The following RNF144B variants were observed in gnomAD, a reference collection of about 807,000 sequenced individuals.
RNF144B encodes the protein ring finger protein 144B.
Under a neutral mutation model 40.2 loss-of-function variants are expected in RNF144B, and 25 were observed. The observed-to-expected ratio is 0.62, with a 90% CI of 0.45 to 0.87. RNF144B has a LOEUF of 0.87. Ranked by LOEUF, RNF144B falls within the 40% of genes least tolerant of loss-of-function variation. The probability of loss-of-function intolerance (pLI) is 0.00; values close to 1 mark genes in which losing one functional copy is unlikely to be tolerated. For missense variants in RNF144B, 365 were observed against 373.7 expected (o/e 0.98, Z 0.19); for synonymous variants, 145 against 136.3 (o/e 1.06, Z -0.44).
chr6:18,403,458 A>G (rs1302776529), intron 2 of RNF144B, among the ~76,000 whole-genome samples: 3 of 152,252 alleles, frequency 2.0e-5, no homozygotes, highest in Non-Finnish European at 2.9e-5. Flanking sequence ...AGCAAAAAGA[A>G]AATAAAGTCC....
In RNF144B at chr6:18,422,806, T is replaced by C. The variant is rs1758460426; in HGVS notation, c.166-4775T>C. ...CATAGACCCAATTTCAATCAATCAATCAATAGTCGAGTGTAGTGGCAGGCA... is the reference window on the plus strand; with the variant it reads ...CATAGACCCAATTTCAATCAATCAACCAATAGTCGAGTGTAGTGGCAGGCA... On this transcript the variant is annotated intron_variant, in intron 2 of 7. Transcript: ENST00000259939. The surrounding 1 kb of genome is among the most constrained non-coding windows in gnomAD (Gnocchi z 4.7). Among the ~76,000 whole-genome samples the C allele has an allele frequency of 6.6e-6, 1 of 151,854 alleles. No homozygotes were observed. Among genetic ancestry groups the C allele is most frequent in the Non-Finnish European group, 1.5e-5 (1 of 67,966 alleles).
rs568481870 is a variant in RNF144B, at chr6:18,398,162, C to T, written c.-36-1337C>T. 6.6e-6 allele frequency among the ~76,000 whole-genome samples: 1 copy of T among 152,060 alleles called. No individual in the cohort carries two copies. Among genetic ancestry groups the T allele is most frequent in the Non-Finnish European group, 1.5e-5 (1 of 68,006 alleles). ...CTCTTCATTTCCCCCTCCCACCAGC[C>T]CCTGGTAACCTCTATTCTTCTTTTT... On this transcript the variant is annotated intron_variant, in intron 1 of 7. Coordinates refer to ENST00000259939, the MANE Select transcript of RNF144B (RefSeq NM_182757.4). This position sits in a 1 kb window ranked among gnomAD's most constrained non-coding sequence, Gnocchi z 5.0.
intron 3 of RNF144B, among the ~76,000 whole-genome samples, chr6:18,432,881 C>T (rs1272636737): frequency 6.6e-6 from 1 of 152,122 alleles, no homozygotes; most frequent in African/African-American, 2.4e-5. Flanking sequence ...CAGTGTGCAC[C>T]AGAGAAAGGG....
At position 18,465,307 on chromosome 6, in the gene RNF144B, C is replaced by G. The variant is rs1759552575; in HGVS notation, c.*240C>G. On this transcript the variant is annotated 3_prime_UTR_variant, in exon 8 of 8. Transcript: ENST00000259939. ...CTGTTTCTATGGAGCTTTGGGGTTC[C>G]TTGAGATGAATGAACATATCATTTT... is the stretch of plus-strand genomic sequence containing the variant. 3 of 527,234 alleles carry G rather than the reference C, an allele frequency of 5.7e-6. No homozygotes were observed. In the East Asian group the frequency reaches 9.1e-5, roughly 16 times the overall value. The allele number at this position is 527,234 out of a possible 1,614,324, so 32.7% of individuals were successfully genotyped here.
Position 18,416,539 on chromosome 6 carries a change from A to G in RNF144B, c.166-11042A>G, listed in dbSNP as rs9396862. ...CTCTTGGTTGGTGGGAACTGGAGGTACTTTTGATTGGAGTCCAGATTTAAT... is the reference window on the plus strand; with the variant it reads ...CTCTTGGTTGGTGGGAACTGGAGGTGCTTTTGATTGGAGTCCAGATTTAAT... On this transcript the variant is annotated intron_variant, in intron 2 of 7. Coordinates refer to ENST00000259939, the MANE Select transcript of RNF144B (RefSeq NM_182757.4). This position sits in a 1 kb window ranked among gnomAD's most constrained non-coding sequence, Gnocchi z 5.5. 0.031 allele frequency among the ~76,000 whole-genome samples: 4,645 copies of G among 152,276 alleles called. 149 individuals are homozygous for G. Among genetic ancestry groups the G allele is most frequent in the South Asian group, 0.16 (785 of 4,826 alleles).
intron 4 of RNF144B, among the ~76,000 whole-genome samples, chr6:18,454,381 C>T (rs1759281879): frequency 6.6e-6 from 1 of 152,310 alleles, no homozygotes; most frequent in South Asian, 2.1e-4. Flanking sequence ...GTTGAATAGA[C>T]GCTCTACAGA....
At position 18,467,975 on chromosome 6, in the gene RNF144B, GGCT is replaced by G. The variant is rs1352654620; in HGVS notation, c.*2912_*2914del. 6.6e-6 allele frequency: 1 copy of G among 152,152 alleles called. No individual in the cohort carries two copies. The highest frequency in any genetic ancestry group is 1.5e-5 in the Non-Finnish European group (1 of 68,034). The allele number at this position is 152,152 out of a possible 1,614,324, so 9.4% of individuals were successfully genotyped here. A position where few individuals can be genotyped will look rare whatever the true frequency, so the allele number is the denominator to read the frequency against. On this transcript the variant is annotated 3_prime_UTR_variant, in exon 8 of 8. Transcript: ENST00000259939. ...TTTAACTGACAACTTTGATAACAGA[GGCT>G]GCTATTTTTGTTTTAGATAATTGGC...
At position 18,416,502 on chromosome 6, in the gene RNF144B, C is replaced by T. The variant is rs1288709702; in HGVS notation, c.166-11079C>T. 1.3e-5 allele frequency among the ~76,000 whole-genome samples: 2 copies of T among 152,094 alleles called. No homozygotes were observed. Among genetic ancestry groups the T allele is most frequent in the African/African-American group, 2.4e-5 (1 of 41,398 alleles). ...CATGATCATTTGAGATAAAGATAGA[C>T]GTGTTTGATCACTCTTGGTTGGTGG... is the stretch of plus-strand genomic sequence containing the variant. On this transcript the variant is annotated intron_variant, in intron 2 of 7. Coordinates refer to ENST00000259939, the MANE Select transcript of RNF144B (RefSeq NM_182757.4). The surrounding 1 kb of genome is among the most constrained non-coding windows in gnomAD (Gnocchi z 5.5).
chr6:18,387,521 G>T lies in RNF144B; in HGVS notation c.-146G>T. On this transcript the variant is annotated 5_prime_UTR_variant, in exon 1 of 8. Transcript: ENST00000259939. ...CAGCCGCAGAGCACGGAGGAAAGACGGAGAGAATGGAAGAGCTCCTGTCCG... is the reference window on the plus strand; with the variant it reads ...CAGCCGCAGAGCACGGAGGAAAGACTGAGAGAATGGAAGAGCTCCTGTCCG... 2.3e-6 allele frequency: 3 copies of T among 1,313,334 alleles called. No homozygotes were observed. The highest frequency in any genetic ancestry group is 3.0e-6 in the Non-Finnish European group (3 of 1,003,036). The allele number at this position is 1,313,334 out of a possible 1,614,324, so 81.4% of individuals were successfully genotyped here.
intron 1 of RNF144B, among the ~76,000 whole-genome samples, chr6:18,393,832 A>G (rs1794636275): frequency 1.3e-5 from 2 of 152,064 alleles, no homozygotes; most frequent in African/African-American, 2.4e-5. Context: ...CCTCCCTCCC[A>G]TATTTATGCA....
In RNF144B at chr6:18,466,325, T is replaced by C. The variant is rs1759569881; in HGVS notation, c.*1258T>C. The C allele has an allele frequency of 6.6e-6, 1 of 152,256 alleles. No homozygotes were observed. Among genetic ancestry groups the C allele is most frequent in the African/African-American group, 2.4e-5 (1 of 41,464 alleles). The allele number at this position is 152,256 out of a possible 1,614,324, so 9.4% of individuals were successfully genotyped here. ...TGTTTTCGAACACAGAATAGCTCTT[T>C]TCTCAGCATCATTATTGCTCTTTCA... is the stretch of plus-strand genomic sequence containing the variant. On this transcript the variant is annotated 3_prime_UTR_variant, in exon 8 of 8. Transcript: ENST00000259939.
chr6:18,451,017 TA>T (rs1252786350), intron 4 of RNF144B, among the ~76,000 whole-genome samples: 1 of 152,200 alleles, frequency 6.6e-6, no homozygotes, highest in Non-Finnish European at 1.5e-5. Context: ...GATATTTGGA[TA>T]AAAAAATCAT....
At chr6:18,427,239 T>C (rs1758573238) in intron 2 of RNF144B, among the ~76,000 whole-genome samples, 1 of 148,732 alleles carries the variant, frequency 6.7e-6, no homozygotes, top group South Asian at 2.2e-4. Context: ...TAGGTAAAAA[T>C]GGAATTAGGA....
chr6:18,434,448 C>T lies in RNF144B; in HGVS notation c.271-5236C>T, dbSNP rs1196868824. On this transcript the variant is annotated intron_variant, in intron 3 of 7. Transcript: ENST00000259939. This position sits in a 1 kb window ranked among gnomAD's most constrained non-coding sequence, Gnocchi z 4.1. The stretch of plus-strand genomic sequence containing the variant: ...TGGTTAATACTGATTAACAGGTGTG[C>T]CTCACTTTTCATTTCTTCTTGGTTG... Among the ~76,000 whole-genome samples, 12 of 152,000 alleles carry T rather than the reference C, an allele frequency of 7.9e-5. No homozygotes were observed. The highest frequency in any genetic ancestry group is 1.5e-5 in the Non-Finnish European group (1 of 68,010).
At position 18,467,725 on chromosome 6, in the gene RNF144B, C is replaced by T. The variant is rs1759603367; in HGVS notation, c.*2658C>T. 1 of 151,894 alleles carries T rather than the reference C, an allele frequency of 6.6e-6. No homozygotes were observed. The highest frequency in any genetic ancestry group is 2.4e-5 in the African/African-American group (1 of 41,318). The allele number at this position is 151,894 out of a possible 1,614,324, so 9.4% of individuals were successfully genotyped here. A position where few individuals can be genotyped will look rare whatever the true frequency, so the allele number is the denominator to read the frequency against. ...GCATGATCATGGTTCACTTCAACCC[C>T]TACCTCCTGGGCTCAAGTGTTCCTC... On this transcript the variant is annotated 3_prime_UTR_variant, in exon 8 of 8. Transcript: ENST00000259939.
In RNF144B at chr6:18,448,615, G is replaced by A. The variant is rs1405047368; in HGVS notation, c.332-8540G>A. On this transcript the variant is annotated intron_variant, in intron 4 of 7. Transcript: ENST00000259939. This position sits in a 1 kb window ranked among gnomAD's most constrained non-coding sequence, Gnocchi z 4.0. ...GATATTTATAGAGCACCAACTTTGTGTAAGTCACTGTTTTTCAAAGTATAG... is the reference window on the plus strand; with the variant it reads ...GATATTTATAGAGCACCAACTTTGTATAAGTCACTGTTTTTCAAAGTATAG... Among the ~76,000 whole-genome samples, 4 of 151,874 alleles carry A rather than the reference G, an allele frequency of 2.6e-5. No individual in the cohort carries two copies.
rs1387669306 is a variant in RNF144B at position 18,387,435 on chromosome 6, C to A, written c.-232C>A. ...AGGAGGCGGTCGGGGACTCCGCCTC[C>A]TCCCGACCCGTAGGTCTGGGAGCGC... On this transcript the variant is annotated 5_prime_UTR_variant, in exon 1 of 8. Transcript: ENST00000259939. 3 of 1,207,464 alleles carry A rather than the reference C, an allele frequency of 2.5e-6. No homozygotes were observed. The East Asian group carries it at 2.2e-4, about 89-fold the overall frequency. The allele number at this position is 1,207,464 out of a possible 1,614,324, so 74.8% of individuals were successfully genotyped here. A position where few individuals can be genotyped will look rare whatever the true frequency, so the allele number is the denominator to read the frequency against.
Position 18,446,990 on chromosome 6 carries a change from G to T in RNF144B, c.331+7246G>T, listed in dbSNP as rs1036047399. ...GCTGTTGAGAAATCCTTTCCCAGCT[G>T]ATGGGGAATACAGTGATCATCAGGA... On this transcript the variant is annotated intron_variant, in intron 4 of 7. Transcript: ENST00000259939. This position sits in a 1 kb window ranked among gnomAD's most constrained non-coding sequence, Gnocchi z 4.7. 2.6e-5 allele frequency among the ~76,000 whole-genome samples: 4 copies of T among 152,030 alleles called. No homozygotes were observed. Among genetic ancestry groups the T allele is most frequent in the Non-Finnish European group, 5.9e-5 (4 of 68,016 alleles).
intron 7 of RNF144B, 69 bp downstream of exon 7, chr6:18,463,449 C>T (rs1759512156): frequency 2.2e-6 from 2 of 914,166 alleles, no homozygotes; most frequent in South Asian, 1.3e-5. Flanking sequence ...CACCTCTTCG[C>T]CTTTCCTCAT....
Sources: allele counts gnomAD v4.1 joint callset (sites outside exome capture counted in the v4.1 genomes callset), GRCh38; gene constraint gnomAD v4.1.1; non-coding constraint Gnocchi (gnomAD v3.1); transcripts MANE v1.5; gene names NCBI Gene and HGNC (gene_info 2026-07-23, HGNC 2026-07-21).